Variants in NFKBIE observed in about 807,000 individuals in gnomAD.
The protein encoded by NFKBIE is NFKB inhibitor epsilon.
Under a neutral mutation model 31.6 loss-of-function variants are expected in NFKBIE, and 11 were observed. The observed-to-expected ratio is 0.35, with a 90% CI of 0.22 to 0.58. The LOEUF is 0.58. Ranked by LOEUF, NFKBIE falls within the 20% of genes least tolerant of loss-of-function variation. The pLI is 0.83. For missense variants in NFKBIE, 354 were observed against 465.7 expected, an observed-to-expected ratio of 0.76 and a Z score of 2.21; for synonymous variants, 208 against 210.1, an observed-to-expected ratio of 0.99 and a Z score of 0.09.
Position 44,265,148 on chromosome 6 carries a change from C to T in NFKBIE, c.199G>A (p.Glu67Lys), listed in dbSNP as rs2153333852. The T allele has an allele frequency of 6.4e-7, 1 of 1,552,116 alleles. No homozygotes were observed. The highest frequency in any genetic ancestry group is 8.7e-7 in the Non-Finnish European group (1 of 1,147,152). ...EPQEKEDADG[E>K]RADSTYGSSS... ...GAGCCATAGGTGGAATCAGCCCGCT[C>T]CCCATCCGCGTCTTCCTTCTCCTGT... is the stretch of plus-strand genomic sequence containing the variant. The change falls in exon 1 of 6, where the codon GAG becomes AAG. Residue 67 changes from glutamate (E) to lysine (K), a missense_variant. Around this residue, in one of 2 missense-constraint regions of NFKBIE, gnomAD observed 171 missense variants for 155.1 expected, o/e 1.10. Coordinates refer to ENST00000619360, the MANE Select transcript of NFKBIE (RefSeq NM_004556.3).
rs1781797399 is a variant in NFKBIE at position 44,259,155 on chromosome 6, C to G, written c.*64G>C. The G allele has an allele frequency of 1.3e-6, 2 of 1,566,166 alleles. No individual in the cohort carries two copies. The highest frequency in any genetic ancestry group is 1.8e-6 in the Non-Finnish European group (2 of 1,138,646). ...CACATAGCCTGGGCCCAAACTGCAGCAGTTATGGCTCCGGCTTCCAGATGG... is the reference window on the plus strand; with the variant it reads ...CACATAGCCTGGGCCCAAACTGCAGGAGTTATGGCTCCGGCTTCCAGATGG... On this transcript the variant is annotated 3_prime_UTR_variant, in exon 6 of 6. Transcript: ENST00000619360.
Position 44,260,037 on chromosome 6 carries a change from A to G in NFKBIE, c.1020+6T>C. On this transcript the variant is annotated splice_donor_region_variant and intron_variant, in intron 5 of 5. Coordinates refer to ENST00000619360, the MANE Select transcript of NFKBIE (RefSeq NM_004556.3). The surrounding 1 kb of genome is among the most constrained non-coding windows in gnomAD (Gnocchi z 5.5). ...GGCCCTGGAGAGCAAAGCATATGCC[A>G]CTTACTTCCTCAGTCAGGTCCTGGG... 2 of 1,612,304 alleles carry G rather than the reference A, an allele frequency of 1.2e-6. No individual in the cohort carries two copies. Among genetic ancestry groups the G allele is most frequent in the Non-Finnish European group, 1.7e-6 (2 of 1,178,592 alleles).
rs193090036 is a variant in NFKBIE, at chr6:44,258,802, A to G, written c.*417T>C. ...AAACAACGGTGTTTCAGGGTCCTCA[A>G]CAGCAATAAGATGGGACACCTCTCA... On this transcript the variant is annotated 3_prime_UTR_variant, in exon 6 of 6. Coordinates refer to ENST00000619360, the MANE Select transcript of NFKBIE (RefSeq NM_004556.3). The G allele has an allele frequency of 6.2e-6, 1 of 160,120 alleles. No individual in the cohort carries two copies. The highest frequency in any genetic ancestry group is 2.4e-5 in the African/African-American group (1 of 41,818). The allele number at this position is 160,120 out of a possible 1,614,324, so 9.9% of individuals were successfully genotyped here. A position where few individuals can be genotyped will look rare whatever the true frequency, so the allele number is the denominator to read the frequency against.
chr6:44,265,323 C>A lies in NFKBIE; in HGVS notation c.24G>T (p.Pro8=). The change falls in exon 1 of 6, where the codon CCG becomes CCT. Residue 8 remains proline (P), a synonymous_variant. Transcript: ENST00000619360. ...CGTACTGGCTCTCCTCCGCCTCGTC[C>A]GGCCCCTTCCGCGCCTCCGACATGC... is the stretch of plus-strand genomic sequence containing the variant. The part of the protein sequence containing the change: MSEARKG[P]DEAEESQYDS... 1 of 1,549,330 alleles carries A rather than the reference C, an allele frequency of 6.5e-7. No individual in the cohort carries two copies. The highest frequency in any genetic ancestry group is 8.7e-7 in the Non-Finnish European group (1 of 1,151,460).
At chr6:44,259,712 T>C (rs1781824834) in intron 5 of NFKBIE, among the ~76,000 whole-genome samples, 1 of 152,180 alleles carries the variant, frequency 6.6e-6, no homozygotes, top group African/African-American at 2.4e-5. Flanking sequence ...CAGGAAAAAC[T>C]GGGCCTACAC....
At chr6:44,259,424 C>G (rs578156429) in intron 5 of NFKBIE, 140 bp from the exon 6 acceptor site, 82 of 659,942 alleles carry the variant, frequency 1.2e-4, no homozygotes, top group Non-Finnish European at 2.1e-4. Context: ...AATCTTCACA[C>G]GAATCCTCAA....
At chr6:44,264,934 G>C in intron 1 of NFKBIE, 48 bp downstream of exon 1, 1 of 1,537,978 alleles carries the variant, frequency 6.5e-7, no homozygotes, top group Non-Finnish European at 8.7e-7. Context: ...GCGGCTCTTG[G>C]GCAGGCCCAG....
rs1781862573 is a variant in NFKBIE at position 44,260,596 on chromosome 6, C to T, written c.692-57G>A. ...GCTGATCTGCATCCACCAACTCCCTCTCTTCTGGGACCTCCCTACCACTCA... is the reference window on the plus strand; with the variant it reads ...GCTGATCTGCATCCACCAACTCCCTTTCTTCTGGGACCTCCCTACCACTCA... On this transcript the variant is annotated intron_variant, in intron 3 of 5. Coordinates refer to ENST00000619360, the MANE Select transcript of NFKBIE (RefSeq NM_004556.3). The surrounding 1 kb of genome is among the most constrained non-coding windows in gnomAD (Gnocchi z 5.5). 2 of 1,540,826 alleles carry T rather than the reference C, an allele frequency of 1.3e-6. No individual in the cohort carries two copies. Among genetic ancestry groups the T allele is most frequent in the African/African-American group, 1.4e-5 (1 of 73,652 alleles).
Position 44,258,644 on chromosome 6 carries a change from C to G in NFKBIE, c.*575G>C, listed in dbSNP as rs1781769925. On this transcript the variant is annotated 3_prime_UTR_variant, in exon 6 of 6. Coordinates refer to ENST00000619360, the MANE Select transcript of NFKBIE (RefSeq NM_004556.3). ...GGCCTGTCTAAAAAGCCCCAATGCA[C>G]ACAGACATGCATGCGCGCAAAACAG... 1.3e-5 allele frequency: 2 copies of G among 152,886 alleles called. No homozygotes were observed. The highest frequency in any genetic ancestry group is 2.9e-5 in the Non-Finnish European group (2 of 68,486). The allele number at this position is 152,886 out of a possible 1,614,324, so 9.5% of individuals were successfully genotyped here. A position where few individuals can be genotyped will look rare whatever the true frequency, so the allele number is the denominator to read the frequency against.
At position 44,258,525 on chromosome 6, in the gene NFKBIE, TG is replaced by T. The variant is rs1781763176; in HGVS notation, c.*693del. ...TCTGTGCTGGACACAGAGAAAGGCC[TG>T]GAACTACTGGCCTCTGACCCCACCC... On this transcript the variant is annotated 3_prime_UTR_variant, in exon 6 of 6. Coordinates refer to ENST00000619360, the MANE Select transcript of NFKBIE (RefSeq NM_004556.3). 1 of 152,326 alleles carries T rather than the reference TG, an allele frequency of 6.6e-6. No homozygotes were observed. The highest frequency in any genetic ancestry group is 1.5e-5 in the Non-Finnish European group (1 of 68,178). 9.4% of individuals were successfully genotyped at this position (152,326 alleles called of 1,614,324 possible).
In NFKBIE at chr6:44,261,534, T is replaced by A; in HGVS notation, c.691+92A>T. The A allele has an allele frequency of 7.3e-7, 1 of 1,363,812 alleles. No homozygotes were observed. The highest frequency in any genetic ancestry group is 1.0e-6 in the Non-Finnish European group (1 of 976,766). The allele number at this position is 1,363,812 out of a possible 1,614,324, so 84.5% of individuals were successfully genotyped here. On this transcript the variant is annotated intron_variant, in intron 3 of 5. Coordinates refer to ENST00000619360, the MANE Select transcript of NFKBIE (RefSeq NM_004556.3). The surrounding 1 kb of genome is among the most constrained non-coding windows in gnomAD (Gnocchi z 4.3). ...GTGGGAGGGGCACCAATGGACAAGC[T>A]GGGACCCTCCCTTCCCCAAGAGTGA...
rs760562624 is a variant in NFKBIE at position 44,265,036 on chromosome 6, G to A, written c.311C>T (p.Ala104Val). The A allele has an allele frequency of 1.9e-6, 3 of 1,584,952 alleles. No homozygotes were observed. In the South Asian group the frequency reaches 3.5e-5, roughly 18 times the overall value. Residue 104 changes from alanine (A) to valine (V), a missense_variant, in exon 1 of 6, where the codon GCG (alanine) becomes GTG (valine). Coordinates refer to ENST00000619360, the MANE Select transcript of NFKBIE (RefSeq NM_004556.3). Reference sequence around the variant, plus strand: ...TGCTTCCAGCTGCTGAGGGCTCAGCGCCCCCACGTGGGGGAGTGGCAGGCG... The same window carrying A: ...TGCTTCCAGCTGCTGAGGGCTCAGCACCCCCACGTGGGGGAGTGGCAGGCG... ...APRLPLPHVGALSPQQLEALT... is the reference protein window; with the variant it reads ...APRLPLPHVGVLSPQQLEALT...
chr6:44,260,139 C>T lies in NFKBIE; in HGVS notation c.924G>A (p.Arg308=), dbSNP rs781380895. ...GAGTGGATGAGATGCCCATGAGACCCCGGCCAGCTGCCAGGTGCAGGGGTG... is the reference window on the plus strand; with the variant it reads ...GAGTGGATGAGATGCCCATGAGACCTCGGCCAGCTGCCAGGTGCAGGGGTG... ...GCTPLHLAAG[R]GLMGISSTLC... is the part of the protein sequence containing the mutation. The change falls in exon 5 of 6, where the codon CGG becomes CGA. Residue 308 remains arginine, a synonymous_variant. Transcript: ENST00000619360. This position sits in a 1 kb window ranked among gnomAD's most constrained non-coding sequence, Gnocchi z 5.5. 4.3e-6 allele frequency: 7 copies of T among 1,614,124 alleles called. No homozygotes were observed. Among genetic ancestry groups the T allele is most frequent in the Non-Finnish European group, 5.9e-6 (7 of 1,180,056 alleles).
rs765772810 is a variant in NFKBIE at position 44,260,199 on chromosome 6, A to T, written c.864T>A (p.Gly288=). ...TCAGCATGCGGGCATCTACCTGGGC[A>T]CCAGCCTGGAGCAGGAACTGTACCA... ...RGLVQFLLQA[G]AQVDARMLNG... Residue 288 remains glycine (G), a synonymous_variant, in exon 5 of 6, where the codon GGT becomes GGA. Transcript: ENST00000619360. The surrounding 1 kb of genome is among the most constrained non-coding windows in gnomAD (Gnocchi z 5.5). The T allele has an allele frequency of 6.2e-7, 1 of 1,614,084 alleles. No homozygotes were observed. The highest frequency in any genetic ancestry group is 8.5e-7 in the Non-Finnish European group (1 of 1,180,030).
In NFKBIE at chr6:44,263,756, C is replaced by T. The variant is rs28362184; in HGVS notation, c.366-1094G>A. Among the ~76,000 whole-genome samples, 191 of 152,230 alleles carry T rather than the reference C, an allele frequency of 1.3e-3. 2 individuals are homozygous for T. The highest frequency in any genetic ancestry group is 4.4e-3 in the African/African-American group (181 of 41,522). On this transcript the variant is annotated intron_variant, in intron 1 of 5. Transcript: ENST00000619360. The surrounding 1 kb of genome is among the most constrained non-coding windows in gnomAD (Gnocchi z 5.0). Reference sequence around the variant, plus strand: ...AAGTGCCCCCTGCTCTCTGGGGACTCGCTGGGGAGCCCGGACATTTCTCCC... The same window carrying T: ...AAGTGCCCCCTGCTCTCTGGGGACTTGCTGGGGAGCCCGGACATTTCTCCC...
In NFKBIE at chr6:44,265,366, C is replaced by G. The variant is rs772246240; in HGVS notation, c.-20G>C. The G allele has an allele frequency of 1.9e-6, 3 of 1,560,944 alleles. No homozygotes were observed. Among genetic ancestry groups the G allele is most frequent in the Non-Finnish European group, 2.6e-6 (3 of 1,159,768 alleles). On this transcript the variant is annotated 5_prime_UTR_variant, in exon 1 of 6. Transcript: ENST00000619360. ...CGACATGCCCGCGGCTCTGGCCGGC[C>G]GGGGCCCGGTCTGAGCAGGATCCGG...
At position 44,262,639 on chromosome 6, in the gene NFKBIE, T is replaced by G; in HGVS notation, c.389A>C (p.His130Pro). The change falls in exon 2 of 6, where the codon CAT becomes CCT. Residue 130 changes from histidine (H) to proline (P), a missense_variant. This residue lies in a region of NFKBIE where 183 missense variants were observed against 310.6 expected (regional missense o/e 0.59). Coordinates refer to ENST00000619360, the MANE Select transcript of NFKBIE (RefSeq NM_004556.3). ...GDTLVHLAVI[H>P]EAPAVLLCCL... is the part of the protein sequence containing the mutation. ...ACAGAGCAGCACCGCTGGGGCCTCA[T>G]GAATCACTGCCAGGTGGACCAGCCT... is the stretch of plus-strand genomic sequence containing the variant. 6.2e-7 allele frequency: 1 copy of G among 1,614,108 alleles called. No homozygotes were observed. Among genetic ancestry groups the G allele is most frequent in the Non-Finnish European group, 8.5e-7 (1 of 1,179,970 alleles).
In NFKBIE at chr6:44,260,568, G is replaced by C; in HGVS notation, c.692-29C>G. The C allele has an allele frequency of 2.5e-6, 4 of 1,595,750 alleles. No individual in the cohort carries two copies. Among genetic ancestry groups the C allele is most frequent in the Non-Finnish European group, 2.6e-6 (3 of 1,163,484 alleles). On this transcript the variant is annotated intron_variant, in intron 3 of 5. Coordinates refer to ENST00000619360, the MANE Select transcript of NFKBIE (RefSeq NM_004556.3). The surrounding 1 kb of genome is among the most constrained non-coding windows in gnomAD (Gnocchi z 5.5). The stretch of plus-strand genomic sequence containing the variant: ...GGATGGGGTGAGAGTGAGGGTGAGG[G>C]CTGCTGATCTGCATCCACCAACTCC...
At chr6:44,264,176 C>T (rs1782028346) in intron 1 of NFKBIE, among the ~76,000 whole-genome samples, 2 of 152,226 alleles carry the variant, frequency 1.3e-5, no homozygotes, top group African/African-American at 4.8e-5. Context: ...CCCCAGTTCC[C>T]AACCTTTCCC....
Sources: gnomAD v4.1 joint callset for allele counts (sites outside exome capture counted in the v4.1 genomes callset) on GRCh38, gnomAD v4.1.1 for gene constraint, gnomAD v4.1.1 regional missense constraint, Gnocchi (gnomAD v3.1) non-coding constraint, MANE v1.5 for transcripts, NCBI Gene and HGNC (gene_info 2026-07-23, HGNC 2026-07-21) for gene names.